ULK2: variants seen among roughly 807,000 people sequenced by gnomAD.
ULK2 encodes the protein serine/threonine-protein kinase ULK2.
In ULK2, 76 loss-of-function variants were observed where a neutral mutation model predicts 127.5. The ratio of observed to expected loss-of-function variants is 0.60; its 90% CI spans 0.50 to 0.72. The LOEUF is 0.72. Ranked by LOEUF, ULK2 falls within the 30% of genes least tolerant of loss-of-function variation. ULK2 has a pLI of 0.00. For synonymous variants in ULK2, 452 were observed against 461.9 expected, an observed-to-expected ratio of 0.98 and a Z score of 0.28; for missense variants, 1,144 against 1,295.9, an observed-to-expected ratio of 0.88 and a Z score of 1.80.
intron 12 of ULK2, among the ~76,000 whole-genome samples, chr17:19,819,615 C>G (rs1043453437): frequency 2.6e-5 from 4 of 152,184 alleles, no homozygotes; most frequent in Non-Finnish European, 4.4e-5. Flanking sequence ...GTTCACTTGC[C>G]TATACAACAC....
chr17:19,816,582 G>A (rs562012074), intron 13 of ULK2, 167 bp downstream of exon 13: 1 of 571,746 alleles, frequency 1.7e-6, no homozygotes, highest in African/African-American at 1.9e-5. Flanking sequence ...AGATGATTGA[G>A]CAAATTTTAA....
At chr17:19,830,954 G>T (rs1292438392) in intron 10 of ULK2, among the ~76,000 whole-genome samples, 1 of 150,000 alleles carries the variant, frequency 6.7e-6, no homozygotes, top group South Asian at 2.1e-4. Context: ...TTGAACCCCG[G>T]AAGTGGAGGT....
chr17:19,846,278 A>G (rs2041880025), intron 6 of ULK2, among the ~76,000 whole-genome samples: 1 of 152,126 alleles, frequency 6.6e-6, no homozygotes, highest in African/African-American at 2.4e-5. Context: ...AACTGTCAAT[A>G]ATGTAAAGGA....
Position 19,867,432 on chromosome 17 carries a change from G to C in ULK2, c.-15C>G, listed in dbSNP as rs368856105. 1.3e-6 allele frequency: 2 copies of C among 1,584,776 alleles called. No individual in the cohort carries two copies. Among genetic ancestry groups the C allele is most frequent in the South Asian group, 2.3e-5 (2 of 88,046 alleles). On this transcript the variant is annotated 5_prime_UTR_variant, in exon 1 of 27. Transcript: ENST00000395544. ...ACCACCTCCATGGCCGCGCCCCCGG[G>C]GCACACAGCGGACGGGCGGGCGGCG... is the stretch of plus-strand genomic sequence containing the variant.
At chr17:19,849,495 T>C (rs2041966144) in intron 4 of ULK2, 90 bp from the exon 5 acceptor site, 2 of 1,302,382 alleles carry the variant, frequency 1.5e-6, no homozygotes, top group East Asian at 2.5e-5. Flanking sequence ...AAATCATTTG[T>C]ATATAATGTC....
intron 14 of ULK2, among the ~76,000 whole-genome samples, chr17:19,805,935 G>A (rs775457553): frequency 2.6e-5 from 4 of 152,120 alleles, no homozygotes; most frequent in Non-Finnish European, 4.4e-5. Flanking sequence ...CTAATGATAC[G>A]CCATTTAGTG....
chr17:19,783,899 G>A lies in ULK2; in HGVS notation c.2258C>T (p.Pro753Leu), dbSNP rs2086973176. 6.6e-7 allele frequency: 1 copy of A among 1,511,830 alleles called. No individual in the cohort carries two copies. The highest frequency in any genetic ancestry group is 8.9e-7 in the Non-Finnish European group (1 of 1,128,944). 93.7% of individuals were successfully genotyped at this position (1,511,830 alleles called of 1,614,324 possible). ...FLRTRTTSVG[P>L]SNSGGSLCAM... ...ACAAAGAGAGCCCCCGGAGTTGCTG[G>A]GCCCCACTACAAGGAAACAGAGGAT... is the stretch of plus-strand genomic sequence containing the variant. Residue 753 changes from proline to leucine, a missense_variant, in exon 22 of 27, where the codon CCC becomes CTC. Coordinates refer to ENST00000395544, the MANE Select transcript of ULK2 (RefSeq NM_014683.4).
chr17:19,828,747 C>T (rs1287881070), intron 10 of ULK2, among the ~76,000 whole-genome samples: 2 of 152,140 alleles, frequency 1.3e-5, no homozygotes, highest in African/African-American at 4.8e-5. Context: ...GTAAATAGAT[C>T]TCCTTAGGCA....
intron 14 of ULK2, among the ~76,000 whole-genome samples, chr17:19,806,410 G>A (rs946205783): frequency 9.9e-5 from 15 of 152,104 alleles, no homozygotes; most frequent in African/African-American, 3.6e-4. Flanking sequence ...GGTACCCAAA[G>A]AAGTAAACTT....
At position 19,797,572 on chromosome 17, in the gene ULK2, G is replaced by A; in HGVS notation, c.1633C>T (p.Gln545Ter). 1 of 1,613,860 alleles carries A rather than the reference G, an allele frequency of 6.2e-7. No homozygotes were observed. Among genetic ancestry groups the A allele is most frequent in the Non-Finnish European group, 8.5e-7 (1 of 1,180,012 alleles). ...IYQNKQKLRK[Q>*]HSDPVCPSHT... is the part of the protein sequence containing the mutation. The stretch of plus-strand genomic sequence containing the variant: ...GATGGGCACACGGGGTCAGAGTGCT[G>A]TTTTCTGAGCTTCTGCTTGTTCTGA... The change falls in exon 18 of 27, where the codon CAG (glutamine) becomes TAG (stop). Residue 545 changes from glutamine to a stop codon, truncating the protein, a stop_gained. Coordinates refer to ENST00000395544, the MANE Select transcript of ULK2 (RefSeq NM_014683.4). LOFTEE classifies it high-confidence loss of function.
chr17:19,850,235 A>T (rs1225929202), intron 3 of ULK2, among the ~76,000 whole-genome samples: 1 of 152,152 alleles, frequency 6.6e-6, no homozygotes, highest in Non-Finnish European at 1.5e-5. Flanking sequence ...ATGACTCAGG[A>T]CGCCTGGTTT....
intron 3 of ULK2, 69 bp from the exon 4 acceptor site, chr17:19,849,843 T>TA: frequency 1.1e-6 from 1 of 909,788 alleles, no homozygotes; most frequent in East Asian, 2.7e-5. Flanking sequence ...TAATGATAGT[T>TA]AAAAATACCA....
At position 19,807,834 on chromosome 17, in the gene ULK2, G is replaced by A. The variant is rs557098524; in HGVS notation, c.1157+2544C>T. 7.9e-5 allele frequency among the ~76,000 whole-genome samples: 12 copies of A among 152,278 alleles called. No individual in the cohort carries two copies. The South Asian group carries it at 1.5e-3, about 18-fold the overall frequency. On this transcript the variant is annotated intron_variant, in intron 14 of 26. Coordinates refer to ENST00000395544, the MANE Select transcript of ULK2 (RefSeq NM_014683.4). ...AAGGTACCAGTGCTACTCAAGGGGC[G>A]CCTTAGAGTACATCAAATTGTTTAA...
At chr17:19,781,646 AATCAATACAATCTATTT>A (rs2086921917) in intron 23 of ULK2, among the ~76,000 whole-genome samples, 1 of 152,226 alleles carries the variant, frequency 6.6e-6, no homozygotes. Context: ...CTCAGATAAA[AATCAATACAATCTATTT>A]ACACAAAAGA....
Position 19,811,822 on chromosome 17 carries a change from C to T in ULK2, c.1097-1384G>A, listed in dbSNP as rs115888105. Among the ~76,000 whole-genome samples, 323 of 152,204 alleles carry T rather than the reference C, an allele frequency of 2.1e-3. 1 individual carries two copies. Among genetic ancestry groups the T allele is most frequent in the African/African-American group, 7.5e-3 (310 of 41,546 alleles). ...TAAGGACAAAAAAGATCTTAAATGG[C>T]TTTCAATGACCACATTTTAAAAAAT... On this transcript the variant is annotated intron_variant, in intron 13 of 26. Coordinates refer to ENST00000395544, the MANE Select transcript of ULK2 (RefSeq NM_014683.4).
At position 19,846,779 on chromosome 17, in the gene ULK2, T is replaced by C; in HGVS notation, c.427A>G (p.Asn143Asp). The stretch of plus-strand genomic sequence containing the variant: ...CCACTGACACTTGATTTTCTGCGAT[T>C]GGCATAGGACAGCAAGATGTTCTGT... ...KPQNILLSYA[N>D]RRKSSVSGIR... Residue 143 changes from asparagine to aspartate, a missense_variant, in exon 6 of 27, where the codon AAT becomes GAT. Transcript: ENST00000395544. 6.2e-7 allele frequency: 1 copy of C among 1,612,038 alleles called. No homozygotes were observed.
intron 22 of ULK2, among the ~76,000 whole-genome samples, chr17:19,782,414 T>C (rs562510613): frequency 6.6e-6 from 1 of 152,336 alleles, no homozygotes; most frequent in African/African-American, 2.4e-5. Context: ...ATTACAAGGA[T>C]ACTATAGGTG....
At chr17:19,860,541 T>G (rs1039192377) in intron 3 of ULK2, among the ~76,000 whole-genome samples, 1 of 151,236 alleles carries the variant, frequency 6.6e-6, no homozygotes, top group Admixed American at 6.6e-5. Flanking sequence ...TTTTTTTTTT[T>G]GAGACGGAGT....
intron 20 of ULK2, among the ~76,000 whole-genome samples, chr17:19,788,561 A>C (rs1305879693): frequency 3.3e-5 from 5 of 151,750 alleles, no homozygotes; most frequent in African/African-American, 4.8e-5. Flanking sequence ...ATAACCAATA[A>C]TACTACCCAG....
Sources: gnomAD v4.1 joint callset for allele counts (sites outside exome capture counted in the v4.1 genomes callset) on GRCh38, gnomAD v4.1.1 for gene constraint, MANE v1.5 for transcripts, NCBI Gene and HGNC (gene_info 2026-07-23, HGNC 2026-07-21) for gene names.